SH3BGRL3: variants seen among roughly 807,000 people sequenced by gnomAD.
SH3BGRL3 encodes SH3 domain-binding glutamic acid-rich-like protein 3.
In SH3BGRL3, 8 loss-of-function variants were observed where a neutral mutation model predicts 11.9. The ratio of observed to expected loss-of-function variants is 0.67; its 90% CI spans 0.40 to 1.22. The LOEUF (loss-of-function observed/expected upper bound fraction) is 1.22, where lower values mean the gene tolerates loss of function less well. Among genes scored for constraint, SH3BGRL3 ranks in the 50% most tolerant of loss-of-function variants. The probability of loss-of-function intolerance (pLI) is 0.01; values close to 1 mark genes in which losing one functional copy is unlikely to be tolerated. For synonymous variants in SH3BGRL3, 55 were observed against 52.3 expected, an observed-to-expected ratio of 1.05 and a Z score of -0.22; for missense variants, 119 against 120.1, an observed-to-expected ratio of 0.99 and a Z score of 0.04.
chr1:26,280,994 A>T (rs1570067761), intron 2 of SH3BGRL3, 62 bp downstream of exon 2: 1 of 1,609,478 alleles, frequency 6.2e-7, no homozygotes. Context: ...CCAGGGTCAT[A>T]TCTGCCACAA....
At chr1:26,280,698 C>A in intron 1 of SH3BGRL3, 67 bp from the exon 2 acceptor site, 1 of 1,578,546 alleles carries the variant, frequency 6.3e-7, no homozygotes, top group South Asian at 1.1e-5. Context: ...CTCTCTCACC[C>A]TGCCCAGCAT....
At position 26,280,792 on chromosome 1, in the gene SH3BGRL3, C is replaced by G. The variant is rs768671223; in HGVS notation, c.76C>G (p.Arg26Gly). 3 of 1,614,064 alleles carry G rather than the reference C, an allele frequency of 1.9e-6. No homozygotes were observed. In the South Asian group the frequency reaches 3.3e-5, roughly 18 times the overall value. ...CAAGTCCCAGCAGAGCGAGGTGACC[C>G]GAATCCTGGATGGGAAGCGCATCCA... ...EIKSQQSEVT[R>G]ILDGKRIQYQ... is the part of the protein sequence containing the mutation. Residue 26 changes from arginine (R) to glycine (G), a missense_variant, in exon 2 of 3, where the codon CGA becomes GGA. Coordinates refer to ENST00000270792, the MANE Select transcript of SH3BGRL3 (RefSeq NM_031286.4).
rs1024408482 is a variant in SH3BGRL3 at position 26,280,329 on chromosome 1, T to C, written c.48+126T>C. 6 of 1,176,106 alleles carry C rather than the reference T, an allele frequency of 5.1e-6. No individual in the cohort carries two copies. In the African/African-American group the frequency reaches 9.6e-5, roughly 19 times the overall value. The allele number at this position is 1,176,106 out of a possible 1,614,324, so 72.9% of individuals were successfully genotyped here. A position where few individuals can be genotyped will look rare whatever the true frequency, so the allele number is the denominator to read the frequency against. On this transcript the variant is annotated intron_variant, in intron 1 of 2. Coordinates refer to ENST00000270792, the MANE Select transcript of SH3BGRL3 (RefSeq NM_031286.4). The stretch of plus-strand genomic sequence containing the variant: ...TGGGGGGAGTGCGTCGGCGAGGTGC[T>C]GGGCACGGTCTCCCGGACCCGGTCC...
In SH3BGRL3 at chr1:26,280,141, C is replaced by T. The variant is rs1323611070; in HGVS notation, c.-15C>T. On this transcript the variant is annotated 5_prime_UTR_variant, in exon 1 of 3. Coordinates refer to ENST00000270792, the MANE Select transcript of SH3BGRL3 (RefSeq NM_031286.4). ...CGCCGCCCTCTGCCCGCCGGCCCGT[C>T]TGTCTACCCCCAGCATGAGCGGCCT... 5 of 1,563,666 alleles carry T rather than the reference C, an allele frequency of 3.2e-6. No homozygotes were observed. The East Asian group carries it at 7.2e-5, about 22-fold the overall frequency.
At position 26,280,783 on chromosome 1, in the gene SH3BGRL3, G is replaced by A. The variant is rs1127560; in HGVS notation, c.67G>A (p.Glu23Lys). The change falls in exon 2 of 3, where the codon GAG becomes AAG. Residue 23 changes from glutamate to lysine, a missense_variant. By Grantham distance (56) the Glu-to-Lys change is moderately conservative (BLOSUM62 1). Coordinates refer to ENST00000270792, the MANE Select transcript of SH3BGRL3 (RefSeq NM_031286.4). ...GSREIKSQQS[E>K]VTRILDGKRI... The stretch of plus-strand genomic sequence containing the variant: ...TCCCCAGATCAAGTCCCAGCAGAGC[G>A]AGGTGACCCGAATCCTGGATGGGAA... 1.8e-5 allele frequency: 29 copies of A among 1,613,920 alleles called. No homozygotes were observed. The highest frequency in any genetic ancestry group is 8.9e-5 in the East Asian group (4 of 44,880).
Position 26,280,208 on chromosome 1 carries a change from G to C in SH3BGRL3, c.48+5G>C. 6.5e-7 allele frequency: 1 copy of C among 1,532,436 alleles called. No individual in the cohort carries two copies. Among genetic ancestry groups the C allele is most frequent in the Non-Finnish European group, 8.7e-7 (1 of 1,143,210 alleles). The allele number at this position is 1,532,436 out of a possible 1,614,324, so 94.9% of individuals were successfully genotyped here. Reference sequence around the variant, plus strand: ...TCGGTCACCGGCTCCCGCGAAGTAAGTGCGCGCCCGGACTGGCGCTGGGGG... The same window carrying C: ...TCGGTCACCGGCTCCCGCGAAGTAACTGCGCGCCCGGACTGGCGCTGGGGG... On this transcript the variant is annotated splice_donor_5th_base_variant and intron_variant, in intron 1 of 2. Transcript: ENST00000270792.
At chr1:26,280,470 C>T (rs557971723) in intron 1 of SH3BGRL3, among the ~76,000 whole-genome samples, 2 of 152,168 alleles carry the variant, frequency 1.3e-5, no homozygotes, top group Middle Eastern at 3.4e-3. Flanking sequence ...CTCCCACTAC[C>T]GGGCTGACCC....
chr1:26,281,354 GCCCCAAATGCTGGCTGC>G lies in SH3BGRL3; in HGVS notation c.*237_*253del. ...GTCTCAGAAATTGTCTTAAGCAACAGCCCCAAATGCTGGCTGCCCCCAGCCAAGCATTGGGGCCGCCA... is the reference window on the plus strand; with the variant it reads ...GTCTCAGAAATTGTCTTAAGCAACAGCCCCAGCCAAGCATTGGGGCCGCCA... On this transcript the variant is annotated 3_prime_UTR_variant, in exon 3 of 3. Transcript: ENST00000270792. 1 of 477,862 alleles carries G rather than the reference GCCCCAAATGCTGGCTGC, an allele frequency of 2.1e-6. No individual in the cohort carries two copies. The highest frequency in any genetic ancestry group is 3.1e-5 in the South Asian group (1 of 32,468). 29.6% of individuals were successfully genotyped at this position (477,862 alleles called of 1,614,324 possible). A position where few individuals can be genotyped will look rare whatever the true frequency, so the allele number is the denominator to read the frequency against.
rs1455266100 is a variant in SH3BGRL3 at position 26,280,922 on chromosome 1, A to C, written c.206A>C (p.Gln69Pro). ...ATPPQIVNGDQYCGDYELFVE... is the reference protein window; with the variant it reads ...ATPPQIVNGDPYCGDYELFVE... ...CCACCCCAGATTGTCAACGGGGACCAGTACTGTGGGGTATGGGCTGGGGGA... is the reference window on the plus strand; with the variant it reads ...CCACCCCAGATTGTCAACGGGGACCCGTACTGTGGGGTATGGGCTGGGGGA... The change falls in exon 2 of 3, where the codon CAG becomes CCG. Residue 69 changes from glutamine to proline, a missense_variant. By Grantham distance (76) the Gln-to-Pro change is moderately conservative. Transcript: ENST00000270792. 1.1e-6 allele frequency: 1 copy of C among 912,552 alleles called. No individual in the cohort carries two copies. Among genetic ancestry groups the C allele is most frequent in the East Asian group, 4.7e-5 (1 of 21,288 alleles). 56.5% of individuals were successfully genotyped at this position (912,552 alleles called of 1,614,324 possible). A position where few individuals can be genotyped will look rare whatever the true frequency, so the allele number is the denominator to read the frequency against.
chr1:26,281,319 T>TAGATGGA lies in SH3BGRL3; in HGVS notation c.*196_*197insAGATGGA. ...CTCCTCCATCTAAAGGCAACATTCC[T>TAGATGGA]TACCCATTAGTCTCAGAAATTGTCT... On this transcript the variant is annotated 3_prime_UTR_variant, in exon 3 of 3. Transcript: ENST00000270792. 2 of 553,360 alleles carry TAGATGGA rather than the reference T, an allele frequency of 3.6e-6. No individual in the cohort carries two copies. Among genetic ancestry groups the TAGATGGA allele is most frequent in the Middle Eastern group, 9.5e-4 (2 of 2,112 alleles). The allele number at this position is 553,360 out of a possible 1,614,324, so 34.3% of individuals were successfully genotyped here.
chr1:26,281,190 A>G lies in SH3BGRL3; in HGVS notation c.*67A>G, dbSNP rs2072978262. ...CACTCCCCCCAGCCTTCACCTGGCC[A>G]TGAAGGACCTTTTGACCAACTCCCT... is the stretch of plus-strand genomic sequence containing the variant. On this transcript the variant is annotated 3_prime_UTR_variant, in exon 3 of 3. Coordinates refer to ENST00000270792, the MANE Select transcript of SH3BGRL3 (RefSeq NM_031286.4). 5.3e-6 allele frequency: 8 copies of G among 1,511,410 alleles called. No individual in the cohort carries two copies. Among genetic ancestry groups the G allele is most frequent in the Non-Finnish European group, 7.2e-6 (8 of 1,103,632 alleles). The allele number at this position is 1,511,410 out of a possible 1,614,324, so 93.6% of individuals were successfully genotyped here.
chr1:26,280,978 C>CATA, intron 2 of SH3BGRL3, 46 bp downstream of exon 2: 1 of 1,607,168 alleles, frequency 6.2e-7, no homozygotes. Flanking sequence ...TGGAAGAGGA[C>CATA]TCTAGCCAGG....
At chr1:26,280,314 G>GTTGGAAGAGGACTCTAGCCAGGGT in intron 1 of SH3BGRL3, 111 bp downstream of exon 1, 1 of 1,290,800 alleles carries the variant, frequency 7.7e-7, no homozygotes, top group African/African-American at 1.5e-5. Flanking sequence ...TGGGGGGAGT[G>GTTGGAAGAGGACTCTAGCCAGGGT]CGTCGGCGAG....
Position 26,281,188 on chromosome 1 carries a change from C to A in SH3BGRL3, c.*65C>A. On this transcript the variant is annotated 3_prime_UTR_variant, in exon 3 of 3. Transcript: ENST00000270792. ...CACACTCCCCCCAGCCTTCACCTGG[C>A]CATGAAGGACCTTTTGACCAACTCC... is the stretch of plus-strand genomic sequence containing the variant. 4 of 1,504,830 alleles carry A rather than the reference C, an allele frequency of 2.7e-6. No individual in the cohort carries two copies. The highest frequency in any genetic ancestry group is 2.4e-5 in the South Asian group (2 of 84,098). 93.2% of individuals were successfully genotyped at this position (1,504,830 alleles called of 1,614,324 possible).
Position 26,281,266 on chromosome 1 carries a change from C to T in SH3BGRL3, c.*143C>T, listed in dbSNP as rs2072979475. 7 of 682,060 alleles carry T rather than the reference C, an allele frequency of 1.0e-5. No individual in the cohort carries two copies. The highest frequency in any genetic ancestry group is 3.6e-5 in the African/African-American group (2 of 55,566). The allele number at this position is 682,060 out of a possible 1,614,324, so 42.3% of individuals were successfully genotyped here. A position where few individuals can be genotyped will look rare whatever the true frequency, so the allele number is the denominator to read the frequency against. ...CCCTCCCCCAATGCAGGCCACTTCT[C>T]CTCCCTCCTCTCTAAATGTAGTCCC... On this transcript the variant is annotated 3_prime_UTR_variant, in exon 3 of 3. Transcript: ENST00000270792.
At position 26,280,214 on chromosome 1, in the gene SH3BGRL3, G is replaced by T. The variant is rs368252672; in HGVS notation, c.48+11G>T. 21 of 1,520,618 alleles carry T rather than the reference G, an allele frequency of 1.4e-5. No individual in the cohort carries two copies. The highest frequency in any genetic ancestry group is 1.7e-5 in the Non-Finnish European group (19 of 1,137,434). 94.2% of individuals were successfully genotyped at this position (1,520,618 alleles called of 1,614,324 possible). ...ACCGGCTCCCGCGAAGTAAGTGCGCGCCCGGACTGGCGCTGGGGGAAAGCG... is the reference window on the plus strand; with the variant it reads ...ACCGGCTCCCGCGAAGTAAGTGCGCTCCCGGACTGGCGCTGGGGGAAAGCG... On this transcript the variant is annotated intron_variant, in intron 1 of 2. Transcript: ENST00000270792.
rs778068847 is a variant in SH3BGRL3, at chr1:26,280,757, G to A, written c.49-8G>A. ...ATCCACTAACCCCTACCCACCCTCT[G>A]TCCCCAGATCAAGTCCCAGCAGAGC... is the stretch of plus-strand genomic sequence containing the variant. On this transcript the variant is annotated splice_polypyrimidine_tract_variant and splice_region_variant and intron_variant, in intron 1 of 2. Coordinates refer to ENST00000270792, the MANE Select transcript of SH3BGRL3 (RefSeq NM_031286.4). 2.5e-6 allele frequency: 4 copies of A among 1,613,556 alleles called. No homozygotes were observed. The highest frequency in any genetic ancestry group is 3.4e-6 in the Non-Finnish European group (4 of 1,179,858).
At position 26,280,111 on chromosome 1, in the gene SH3BGRL3, G is replaced by T; in HGVS notation, c.-45G>T. 1 of 1,547,118 alleles carries T rather than the reference G, an allele frequency of 6.5e-7. No homozygotes were observed. Among genetic ancestry groups the T allele is most frequent in the Non-Finnish European group, 8.7e-7 (1 of 1,145,890 alleles). ...GTCGTCTCCCGGCAGTGCAGCTGCC[G>T]CTACCGCCGCCCTCTGCCCGCCGGC... On this transcript the variant is annotated 5_prime_UTR_variant, in exon 1 of 3. Transcript: ENST00000270792.
chr1:26,281,360 A>C lies in SH3BGRL3; in HGVS notation c.*237A>C. On this transcript the variant is annotated 3_prime_UTR_variant, in exon 3 of 3. Transcript: ENST00000270792. ...GAAATTGTCTTAAGCAACAGCCCCA[A>C]ATGCTGGCTGCCCCCAGCCAAGCAT... 1 of 447,358 alleles carries C rather than the reference A, an allele frequency of 2.2e-6. No homozygotes were observed. Among genetic ancestry groups the C allele is most frequent in the Non-Finnish European group, 4.1e-6 (1 of 246,574 alleles). The allele number at this position is 447,358 out of a possible 1,614,324, so 27.7% of individuals were successfully genotyped here. A position where few individuals can be genotyped will look rare whatever the true frequency, so the allele number is the denominator to read the frequency against.
Sources: gnomAD v4.1 joint callset for allele counts (sites outside exome capture counted in the v4.1 genomes callset) on GRCh38, gnomAD v4.1.1 for gene constraint, MANE v1.5 for transcripts, NCBI Gene and HGNC (gene_info 2026-07-23, HGNC 2026-07-21) for gene names.